Variants in ZNF492 observed in about 807,000 individuals in gnomAD.
ZNF492 encodes the protein zinc finger protein 115 (Y20).
A neutral mutation model predicts 6.4 loss-of-function variants in ZNF492; 3 were observed. The observed-to-expected ratio is 0.47, with a 90% CI of 0.21 to 1.22. The LOEUF (loss-of-function observed/expected upper bound fraction) is 1.22. Ranked by LOEUF, ZNF492 falls within the 50% of genes most tolerant of loss-of-function variation. The probability of loss-of-function intolerance (pLI) is 0.22; values close to 1 mark genes in which losing one functional copy is unlikely to be tolerated. For synonymous variants in ZNF492, 112 were observed against 205.3 expected (o/e 0.55, Z 3.89); for missense variants, 356 against 612.5 (o/e 0.58, Z 4.42).
rs1555726126 is a variant in ZNF492, at chr19:22,666,185, C to CTTTT, written c.*922_*923insTTTT. On this transcript the variant is annotated 3_prime_UTR_variant, in exon 4 of 4. Coordinates refer to ENST00000456783, the MANE Select transcript of ZNF492 (RefSeq NM_020855.3). ...AAGGAAATTAGTTTTTCTTTTTCTT[C>CTTTT]TTCTTTTTTTTTTTTTTTTTAGATG... 1 of 136,718 alleles carries CTTTT rather than the reference C, an allele frequency of 7.3e-6. No individual in the cohort carries two copies. Among genetic ancestry groups the CTTTT allele is most frequent in the African/African-American group, 2.8e-5 (1 of 35,444 alleles). 8.5% of individuals were successfully genotyped at this position (136,718 alleles called of 1,614,324 possible). A position where few individuals can be genotyped will look rare whatever the true frequency, so the allele number is the denominator to read the frequency against.
In ZNF492 at chr19:22,634,398, C is replaced by T. The variant is rs1052814531; in HGVS notation, c.-170C>T. The T allele has an allele frequency of 1.2e-5, 16 of 1,299,212 alleles. No homozygotes were observed. Among genetic ancestry groups the T allele is most frequent in the Admixed American group, 1.7e-5 (1 of 57,618 alleles). 80.5% of individuals were successfully genotyped at this position (1,299,212 alleles called of 1,614,324 possible). ...GCGTCCTCTGGTCCTAGAGGCCCAT[C>T]CTCTGTGGCCCTGTGACCTGCAGGT... is the stretch of plus-strand genomic sequence containing the variant. On this transcript the variant is annotated 5_prime_UTR_variant, in exon 1 of 4. Coordinates refer to ENST00000456783, the MANE Select transcript of ZNF492 (RefSeq NM_020855.3).
intron 1 of ZNF492, among the ~76,000 whole-genome samples, chr19:22,651,060 T>C (rs976625403): frequency 6.6e-6 from 1 of 152,146 alleles, no homozygotes; most frequent in Admixed American, 6.5e-5. Flanking sequence ...GTGAAATCTT[T>C]CAGTCTATGG....
chr19:22,665,333 C>T lies in ZNF492; in HGVS notation c.*68C>T, dbSNP rs981532296. 2.3e-5 allele frequency: 34 copies of T among 1,494,644 alleles called. No homozygotes were observed. The Middle Eastern group carries it at 5.4e-4, about 24-fold the overall frequency. 92.6% of individuals were successfully genotyped at this position (1,494,644 alleles called of 1,614,324 possible). A position where few individuals can be genotyped will look rare whatever the true frequency, so the allele number is the denominator to read the frequency against. On this transcript the variant is annotated 3_prime_UTR_variant, in exon 4 of 4. Coordinates refer to ENST00000456783, the MANE Select transcript of ZNF492 (RefSeq NM_020855.3). ...TGGATTGTAGGTAAGGTAATTCATT[C>T]TGGAGAAAACTTCTACAAGTGTGAA...
At chr19:22,647,257 G>GTTTTTTTTTTTTTTTTT (rs777750378) in intron 1 of ZNF492, among the ~76,000 whole-genome samples, 1 of 140,274 alleles carries the variant, frequency 7.1e-6, no homozygotes, top group African/African-American at 2.8e-5. Flanking sequence ...TTTGTTTGTT[G>GTTTTTTTTTTTTTTTTT]TTGTTTTTTT....
At chr19:22,659,561 T>C (rs866147547) in intron 3 of ZNF492, among the ~76,000 whole-genome samples, 1 of 138,746 alleles carries the variant, frequency 7.2e-6, no homozygotes, top group African/African-American at 2.8e-5. Flanking sequence ...TAATGTGAGA[T>C]ACACACACAC....
chr19:22,641,535 G>C (rs1261219246), intron 1 of ZNF492, among the ~76,000 whole-genome samples: 1 of 152,134 alleles, frequency 6.6e-6, no homozygotes, highest in Non-Finnish European at 1.5e-5. Context: ...GTCAATTTTA[G>C]AGTATGTGCC....
At chr19:22,653,078 G>T (rs2201007) in intron 1 of ZNF492, among the ~76,000 whole-genome samples, 1 of 146,616 alleles carries the variant, frequency 6.8e-6, no homozygotes, top group South Asian at 2.1e-4. Flanking sequence ...ATCATCCGAA[G>T]AAGTATCATA....
rs897975227 is a variant in ZNF492, at chr19:22,667,562, A to T, written c.*2297A>T. 2.0e-5 allele frequency: 3 copies of T among 151,986 alleles called. No homozygotes were observed. Among genetic ancestry groups the T allele is most frequent in the Non-Finnish European group, 4.4e-5 (3 of 68,000 alleles). 9.4% of individuals were successfully genotyped at this position (151,986 alleles called of 1,614,324 possible). On this transcript the variant is annotated 3_prime_UTR_variant, in exon 4 of 4. Coordinates refer to ENST00000456783, the MANE Select transcript of ZNF492 (RefSeq NM_020855.3). ...TCAATTGTACAGTTTTAGTTTTTTT[A>T]AAATATACGATTGTTATTGACTACA...
chr19:22,647,232 G>GT (rs925312638), intron 1 of ZNF492, among the ~76,000 whole-genome samples: 37 of 145,308 alleles, frequency 2.5e-4, no homozygotes, highest in South Asian at 6.5e-4. Flanking sequence ...CAGTTTGCCA[G>GT]TTTTTTTTTG....
chr19:22,660,012 A>G (rs1187090839), intron 3 of ZNF492, among the ~76,000 whole-genome samples: 1 of 152,096 alleles, frequency 6.6e-6, no homozygotes, highest in African/African-American at 2.4e-5. Flanking sequence ...TGGAGTTTTA[A>G]CTTCAAGTAC....
At chr19:22,636,150 A>C (rs998280626) in intron 1 of ZNF492, among the ~76,000 whole-genome samples, 16 of 150,210 alleles carry the variant, frequency 1.1e-4, no homozygotes, top group African/African-American at 3.5e-4. Context: ...CCCAGGCTGG[A>C]GTGCAATGGC....
chr19:22,639,089 C>T (rs962430064), intron 1 of ZNF492, among the ~76,000 whole-genome samples: 18 of 152,216 alleles, frequency 1.2e-4, no homozygotes, highest in African/African-American at 4.1e-4. Flanking sequence ...ATCCACCTGC[C>T]TCAGCCTCCC....
chr19:22,657,176 T>C (rs1972004500), intron 3 of ZNF492, among the ~76,000 whole-genome samples: 1 of 152,092 alleles, frequency 6.6e-6, no homozygotes, highest in Admixed American at 6.5e-5. Flanking sequence ...AGGTAATTAG[T>C]AGACAGACAA....
At chr19:22,646,025 A>T (rs747458731) in intron 1 of ZNF492, among the ~76,000 whole-genome samples, 19 of 152,120 alleles carry the variant, frequency 1.2e-4, no homozygotes, top group Admixed American at 2.0e-4. Context: ...GTTCCATATG[A>T]AATTTAAAGT....
At chr19:22,650,434 A>G (rs1765033059) in intron 1 of ZNF492, among the ~76,000 whole-genome samples, 1 of 151,856 alleles carries the variant, frequency 6.6e-6, no homozygotes, top group African/African-American at 2.4e-5. Context: ...AAGCACTTTT[A>G]TTGTCCCTTG....
intron 1 of ZNF492, among the ~76,000 whole-genome samples, chr19:22,636,957 CTTT>C (rs35144612): frequency 2.8e-5 from 3 of 106,522 alleles, no homozygotes; most frequent in Admixed American, 1.0e-4. Flanking sequence ...TTTAGTAAAC[CTTT>C]TTTTTTTTTT....
chr19:22,660,469 C>T (rs1211917227), intron 3 of ZNF492, among the ~76,000 whole-genome samples: 3 of 150,618 alleles, frequency 2.0e-5, no homozygotes, highest in Admixed American at 6.6e-5. Context: ...TAAGAAACAA[C>T]AGTATAGTTT....
chr19:22,655,811 T>TTG (rs1234334310), intron 3 of ZNF492, among the ~76,000 whole-genome samples: 1 of 126,270 alleles, frequency 7.9e-6, no homozygotes. Context: ...CAAGTTTTTC[T>TTG]TGTTGTTTTT....
At chr19:22,640,943 G>C (rs1254552075) in intron 1 of ZNF492, among the ~76,000 whole-genome samples, 1 of 151,888 alleles carries the variant, frequency 6.6e-6, no homozygotes, top group African/African-American at 2.4e-5. Context: ...ATTTTTGTGG[G>C]GTCAGTGGTA....
Sources: gnomAD v4.1 joint callset for allele counts (sites outside exome capture counted in the v4.1 genomes callset) on GRCh38, gnomAD v4.1.1 for gene constraint, MANE v1.5 for transcripts, NCBI Gene and HGNC (gene_info 2026-07-23, HGNC 2026-07-21) for gene names.